The following ALK variants were observed in gnomAD, a reference collection of about 807,000 sequenced individuals.
ALK encodes ALK tyrosine kinase receptor.
A neutral mutation model predicts 163.1 loss-of-function variants in ALK; 74 were observed. That is an observed-to-expected ratio of 0.45 (90% CI 0.38 to 0.55). The LOEUF is 0.55. Among genes scored for constraint, ALK ranks in the 20% least tolerant of loss-of-function variants. The pLI is 0.00. For synonymous variants in ALK, 960 were observed against 843.2 expected (o/e 1.14, Z -2.40); for missense variants, 2,063 against 2,105.3 (o/e 0.98, Z 0.39).
intron 4 of ALK, among the ~76,000 whole-genome samples, chr2:29,463,682 G>T (rs1671138459): frequency 6.6e-6 from 1 of 152,210 alleles, no homozygotes; most frequent in Non-Finnish European, 1.5e-5. Context: ...AACACAGCTT[G>T]GTGACTAAGT....
intron 3 of ALK, among the ~76,000 whole-genome samples, chr2:29,571,538 C>T (rs111960858): frequency 0.18 from 27,293 of 150,478 alleles, 2,605 homozygotes; most frequent in South Asian, 0.23. Context: ...GCCTCCCCAG[C>T]CATGTGGAAC....
chr2:29,529,745 G>A (rs541628339), intron 4 of ALK, among the ~76,000 whole-genome samples: 1 of 152,220 alleles, frequency 6.6e-6, no homozygotes, highest in Non-Finnish European at 1.5e-5. Context: ...TGAGGAGGCT[G>A]GTCCAGGCAT....
At chr2:29,439,525 G>A (rs1670483883) in intron 4 of ALK, among the ~76,000 whole-genome samples, 1 of 152,088 alleles carries the variant, frequency 6.6e-6, no homozygotes, top group Admixed American at 6.5e-5. Flanking sequence ...TCCTACTCAG[G>A]TTCTATAATG....
At chr2:29,209,681 G>T in intron 25 of ALK, 105 bp downstream of exon 25, 2 of 791,550 alleles carry the variant, frequency 2.5e-6, no homozygotes, top group Non-Finnish European at 4.2e-6. Flanking sequence ...GTAGAAAGTT[G>T]ACAGGGTACC....
At chr2:29,799,903 C>T (rs1664421281) in intron 1 of ALK, among the ~76,000 whole-genome samples, 1 of 152,196 alleles carries the variant, frequency 6.6e-6, no homozygotes, top group Admixed American at 6.5e-5. Context: ...GTGGCCGAGC[C>T]AGCATCCTTG....
At chr2:29,361,919 C>T (rs1469847305) in intron 5 of ALK, among the ~76,000 whole-genome samples, 3 of 152,168 alleles carry the variant, frequency 2.0e-5, no homozygotes, top group African/African-American at 7.2e-5. Flanking sequence ...ATCTTTAGCC[C>T]ATCCTTTTTC....
Position 29,748,828 on chromosome 2 carries a change from C to T in ALK, c.668-31131G>A, listed in dbSNP as rs2148329567. On this transcript the variant is annotated intron_variant, in intron 1 of 28. Transcript: ENST00000389048. ...TGGCACGATCAAGGCTCACTGCAAC[C>T]TCTGCCTCCTGGGTTCAAGCGATTC... 1.3e-5 allele frequency among the ~76,000 whole-genome samples: 2 copies of T among 152,296 alleles called. 1 individual carries two copies. The highest frequency in any genetic ancestry group is 4.1e-4 in the South Asian group (2 of 4,824).
At chr2:29,797,687 A>C (rs140383136) in intron 1 of ALK, among the ~76,000 whole-genome samples, 1 of 152,284 alleles carries the variant, frequency 6.6e-6, no homozygotes, top group East Asian at 1.9e-4. Context: ...TAGTTACTGG[A>C]GTAGTGTTAG....
intron 4 of ALK, among the ~76,000 whole-genome samples, chr2:29,509,435 A>G (rs1340032838): frequency 6.6e-6 from 1 of 152,204 alleles, no homozygotes; most frequent in Non-Finnish European, 1.5e-5. Context: ...ACTTGCTTGT[A>G]CAATCCCTTT....
chr2:29,317,422 A>G (rs947011621), intron 8 of ALK, among the ~76,000 whole-genome samples: 1 of 152,232 alleles, frequency 6.6e-6, no homozygotes, highest in Non-Finnish European at 1.5e-5. Context: ...TGGAGCTTAC[A>G]GTCTGATTTC....
intron 1 of ALK, among the ~76,000 whole-genome samples, chr2:29,740,977 G>C (rs1004797599): frequency 6.6e-6 from 1 of 152,132 alleles, no homozygotes; most frequent in South Asian, 2.1e-4. Context: ...ATGCCAGCCC[G>C]GGTGACAGAA....
chr2:29,461,304 C>T (rs1671078427), intron 4 of ALK, among the ~76,000 whole-genome samples: 1 of 152,166 alleles, frequency 6.6e-6, no homozygotes, highest in Admixed American at 6.5e-5. Context: ...GGTAAGATCA[C>T]TGATGAAAGT....
At chr2:29,343,235 G>T (rs1288696835) in intron 5 of ALK, among the ~76,000 whole-genome samples, 1 of 143,774 alleles carries the variant, frequency 7.0e-6, no homozygotes, top group Non-Finnish European at 1.5e-5. Flanking sequence ...TTGAGACAGG[G>T]TCTCATTCTG....
At chr2:29,357,404 T>C (rs182723743) in intron 5 of ALK, among the ~76,000 whole-genome samples, 1 of 152,320 alleles carries the variant, frequency 6.6e-6, no homozygotes, top group African/African-American at 2.4e-5. Flanking sequence ...TTTGAAGACA[T>C]CTGTGACTCT....
rs112399987 is a variant in ALK at position 29,289,204 on chromosome 2, G to T, written c.1817+7684C>A. Among the ~76,000 whole-genome samples, 1,370 of 152,178 alleles carry T rather than the reference G, an allele frequency of 9.0e-3. 22 individuals are homozygous for T. Among genetic ancestry groups the T allele is most frequent in the African/African-American group, 0.03 (1,255 of 41,524 alleles). On this transcript the variant is annotated intron_variant, in intron 9 of 28. Coordinates refer to ENST00000389048, the MANE Select transcript of ALK (RefSeq NM_004304.5). ...TCTTCTCCTGTCCTCGATCATTATG[G>T]CCCCAAGAGGCACAGGCCATGGGCT...
chr2:29,773,372 A>C (rs1318863826), intron 1 of ALK, among the ~76,000 whole-genome samples: 1 of 152,134 alleles, frequency 6.6e-6, no homozygotes, highest in Non-Finnish European at 1.5e-5. Flanking sequence ...AATTGGCCAA[A>C]ACAATCTTTC....
rs533927023 is a variant in ALK, at chr2:29,563,321, A to T, written c.953-31205T>A. On this transcript the variant is annotated intron_variant, in intron 3 of 28. Transcript: ENST00000389048. ...CTAGCGCTATTCAGAAAGGATCACT[A>T]GATTCCACGGGGTGGAGAGTCTATA... Among the ~76,000 whole-genome samples, 46 of 152,334 alleles carry T rather than the reference A, an allele frequency of 3.0e-4. No homozygotes were observed. The South Asian group carries it at 9.3e-3, about 31-fold the overall frequency.
intron 1 of ALK, among the ~76,000 whole-genome samples, chr2:29,888,076 G>A (rs1667030679): frequency 6.6e-6 from 1 of 152,114 alleles, no homozygotes; most frequent in Non-Finnish European, 1.5e-5. Flanking sequence ...CTCACTGGTG[G>A]TTTATCACCT....
At chr2:29,687,184 C>T (rs1465197058) in intron 3 of ALK, among the ~76,000 whole-genome samples, 1 of 151,976 alleles carries the variant, frequency 6.6e-6, no homozygotes, top group Non-Finnish European at 1.5e-5. Flanking sequence ...TGTTTCTGTA[C>T]TCTTACTTAG....
Sources: gnomAD v4.1 joint callset for allele counts (sites outside exome capture counted in the v4.1 genomes callset) on GRCh38, gnomAD v4.1.1 for gene constraint, MANE v1.5 for transcripts, NCBI Gene and HGNC (gene_info 2026-07-23, HGNC 2026-07-21) for gene names.